The following NME9 variants were observed in gnomAD, a reference collection of about 807,000 sequenced individuals.
NME9 encodes the protein thioredoxin domain-containing protein 6.
In NME9, 48 loss-of-function variants were observed where a neutral mutation model predicts 44.4. That is an observed-to-expected ratio of 1.08 (90% CI 0.86 to 1.37). The LOEUF (loss-of-function observed/expected upper bound fraction) is 1.37. NME9 is among the 40% of genes most tolerant of loss of function. The probability of loss-of-function intolerance (pLI) is 0.00; values close to 1 mark genes in which losing one functional copy is unlikely to be tolerated. For synonymous variants in NME9, 139 were observed against 147.1 expected, an observed-to-expected ratio of 0.94 and a Z score of 0.40; for missense variants, 325 against 405.2, an observed-to-expected ratio of 0.80 and a Z score of 1.70.
chr3:138,288,518 C>T (rs1010132596), intron 8 of NME9, among the ~76,000 whole-genome samples: 19 of 152,098 alleles, frequency 1.2e-4, no homozygotes, highest in Non-Finnish European at 1.6e-4. Context: ...AAGGCTTGTA[C>T]TCCTCAATTT....
chr3:138,271,530 T>C (rs1045680896), intron 8 of NME9, among the ~76,000 whole-genome samples: 3 of 152,176 alleles, frequency 2.0e-5, no homozygotes, highest in Non-Finnish European at 4.4e-5. Flanking sequence ...ACTGAACTCA[T>C]TTCACTCCTC....
At chr3:138,310,045 C>T (rs2052585243) in intron 6 of NME9, among the ~76,000 whole-genome samples, 2 of 151,616 alleles carry the variant, frequency 1.3e-5, no homozygotes, top group East Asian at 3.9e-4. Context: ...AACCAAGACC[C>T]AACTATATGC....
At chr3:138,267,731 T>C (rs1460968784) in intron 8 of NME9, among the ~76,000 whole-genome samples, 1 of 152,076 alleles carries the variant, frequency 6.6e-6, no homozygotes, top group Non-Finnish European at 1.5e-5. Context: ...AATATTTGAG[T>C]ATGTATTCTT....
chr3:138,274,415 C>A (rs754781545), intron 8 of NME9: 20 of 1,419,014 alleles, frequency 1.4e-5, no homozygotes, highest in Admixed American at 7.1e-5. Context: ...GTCTTTGTTT[C>A]TTTGATAATT....
At chr3:138,326,312 ACATGGTCTGTCAG>A (rs138575956) in intron 1 of NME9, among the ~76,000 whole-genome samples, 12,141 of 152,202 alleles carry the variant, frequency 0.08, 1,593 homozygotes, top group African/African-American at 0.28. Context: ...CACTGGATTA[ACATGGTCTGTCAG>A]GTCTGTTGTC....
chr3:138,319,768 T>C lies in NME9; in HGVS notation c.92-187A>G, dbSNP rs141993843. Among the ~76,000 whole-genome samples, 610 of 152,352 alleles carry C rather than the reference T, an allele frequency of 4.0e-3. 4 individuals carry two copies. The highest frequency in any genetic ancestry group is 0.014 in the African/African-American group (592 of 41,582). ...GTGGAAACACAGCTAGTCCTCATTC[T>C]TATGAACTTGGTATACTGAATTCTA... On this transcript the variant is annotated intron_variant, in intron 2 of 10. Transcript: ENST00000333911.
intron 1 of NME9, among the ~76,000 whole-genome samples, chr3:138,328,665 A>C (rs1045749289): frequency 1.3e-5 from 2 of 152,158 alleles, no homozygotes; most frequent in Non-Finnish European, 2.9e-5. Context: ...CTATGCCTGC[A>C]TGTTTTTACC....
chr3:138,297,174 A>G (rs1315898284), downstream of NME9: 2 of 152,234 alleles, frequency 1.3e-5, no homozygotes, highest in African/African-American at 4.8e-5. Flanking sequence ...TCTTTCCTGC[A>G]TGAAGCTAAA....
In NME9 at chr3:138,329,571, G is replaced by C. The variant is rs2053998097; in HGVS notation, c.-236C>G. On this transcript the variant is annotated 5_prime_UTR_variant, in exon 1 of 11. Transcript: ENST00000333911. Reference sequence around the variant, plus strand: ...GCAGTCCACGGGCTCGTGGCTCGCCGGGCGGTTTTCTGGGGATCTGCGAAG... The same window carrying C: ...GCAGTCCACGGGCTCGTGGCTCGCCCGGCGGTTTTCTGGGGATCTGCGAAG... 1 of 1,313,612 alleles carries C rather than the reference G, an allele frequency of 7.6e-7. No homozygotes were observed. Among genetic ancestry groups the C allele is most frequent in the East Asian group, 3.1e-5 (1 of 32,072 alleles). 81.4% of individuals were successfully genotyped at this position (1,313,612 alleles called of 1,614,324 possible).
At chr3:138,264,044 C>T (rs1238801315) in intron 8 of NME9, 3 of 1,217,874 alleles carry the variant, frequency 2.5e-6, no homozygotes, top group Non-Finnish European at 3.6e-6. Flanking sequence ...TTGAAGTGTA[C>T]ATTAGTCATT....
At chr3:138,263,913 A>G (rs752296712) in intron 8 of NME9, 12 of 1,207,568 alleles carry the variant, frequency 9.9e-6, no homozygotes, top group Non-Finnish European at 1.4e-5. Context: ...ACAGACTACA[A>G]ATGTTCCTCA....
chr3:138,262,333 A>T, exon 9 of NME9: 1 of 590,252 alleles, frequency 1.7e-6, no homozygotes, highest in Admixed American at 3.0e-5. Context: ...GTAGATCAAT[A>T]TGTAAATGTT....
downstream of NME9, chr3:138,296,360 G>T (rs2051483798): frequency 6.6e-6 from 1 of 152,560 alleles, no homozygotes; most frequent in Non-Finnish European, 1.5e-5. Flanking sequence ...CAGGGTTTAA[G>T]CATTGCTTGC....
At chr3:138,271,625 G>A (rs1056562460) in intron 8 of NME9, among the ~76,000 whole-genome samples, 12 of 152,078 alleles carry the variant, frequency 7.9e-5, no homozygotes, top group Admixed American at 5.9e-4. Flanking sequence ...AAACCTTAGA[G>A]TCATCTCTGA....
chr3:138,318,196 G>T lies in NME9; in HGVS notation c.219C>A (p.Val73=), dbSNP rs774353408. 1 of 1,612,646 alleles carries T rather than the reference G, an allele frequency of 6.2e-7. No homozygotes were observed. Among genetic ancestry groups the T allele is most frequent in the South Asian group, 1.1e-5 (1 of 91,036 alleles). Residue 73 remains valine (V), a synonymous_variant, in exon 4 of 11, where the codon GTC becomes GTA. Coordinates refer to ENST00000333911, the MANE Select transcript of NME9 (RefSeq NM_001349018.2). The part of the protein sequence containing the change: ...FALAEADRLD[V]LEKYRGKCEP... ...CGCACTTCCCTCTGTACTTTTCGAG[G>T]ACATCAAGACGATCTGCCTCTGCCT...
At chr3:138,280,100 C>G (rs1294649514) in intron 8 of NME9, among the ~76,000 whole-genome samples, 1 of 151,970 alleles carries the variant, frequency 6.6e-6, no homozygotes, top group Non-Finnish European at 1.5e-5. Flanking sequence ...TATGGGGTTT[C>G]ACCATGTTGG....
chr3:138,263,679 A>G, intron 8 of NME9: 1 of 1,358,970 alleles, frequency 7.4e-7, no homozygotes. Context: ...TTGCATTTAC[A>G]AGCAGTGAAG....
At chr3:138,287,007 A>G (rs1428476304) in intron 8 of NME9, among the ~76,000 whole-genome samples, 1 of 151,896 alleles carries the variant, frequency 6.6e-6, no homozygotes, top group Non-Finnish European at 1.5e-5. Flanking sequence ...GAATCCAATT[A>G]CTCCTTTTCA....
At chr3:138,316,815 A>G (rs2053118439) in intron 4 of NME9, among the ~76,000 whole-genome samples, 1 of 152,104 alleles carries the variant, frequency 6.6e-6, no homozygotes, top group African/African-American at 2.4e-5. Flanking sequence ...GCGTTTCACC[A>G]TGTTGGCCAG....
Sources: allele counts gnomAD v4.1 joint callset (sites outside exome capture counted in the v4.1 genomes callset), GRCh38; gene constraint gnomAD v4.1.1; transcripts MANE v1.5; gene names NCBI Gene and HGNC (gene_info 2026-07-23, HGNC 2026-07-21).